The following GTF3C1 variants were observed in gnomAD, a reference collection of about 807,000 sequenced individuals.
GTF3C1 encodes the protein general transcription factor IIIC subunit 1, also known as general transcription factor 3C polypeptide 1.
Under a neutral mutation model 226.7 loss-of-function variants are expected in GTF3C1, and 57 were observed. The ratio of observed to expected loss-of-function variants is 0.25; its 90% CI spans 0.20 to 0.31. The LOEUF (loss-of-function observed/expected upper bound fraction) is 0.31, where lower values mean the gene tolerates loss of function less well. Ranked by LOEUF, GTF3C1 falls within the 10% of genes least tolerant of loss-of-function variation. The pLI is 1.00. For synonymous variants in GTF3C1, 1,090 were observed against 1,084.8 expected (o/e 1.00, Z -0.09); for missense variants, 2,217 against 2,776.1 (o/e 0.80, Z 4.53).
chr16:27,477,311 C>CTT (rs34199607), intron 28 of GTF3C1, among the ~76,000 whole-genome samples: 4 of 146,576 alleles, frequency 2.7e-5, no homozygotes, highest in Non-Finnish European at 4.5e-5. Flanking sequence ...TTTTCTCTTC[C>CTT]TTTTTTTTTT....
Position 27,464,831 on chromosome 16 carries a change from G to A in GTF3C1, c.5361C>T (p.Leu1787=), listed in dbSNP as rs2087760545. The part of the protein sequence containing the change: ...TRTFADCIQA[L]LEQHQVLEVG... ...CCTCCAGCACCTGATGCTGCTCCAG[G>A]AGGGCCTGGGGAGGCAGGAGACACG... The change falls in exon 34 of 37, where the codon CTC becomes CTT. Residue 1787 remains leucine, a synonymous_variant. Coordinates refer to ENST00000356183, the MANE Select transcript of GTF3C1 (RefSeq NM_001520.4). 3.3e-6 allele frequency: 5 copies of A among 1,508,074 alleles called. No individual in the cohort carries two copies. Among genetic ancestry groups the A allele is most frequent in the African/African-American group, 1.4e-5 (1 of 71,670 alleles). 93.4% of individuals were successfully genotyped at this position (1,508,074 alleles called of 1,614,324 possible). A position where few individuals can be genotyped will look rare whatever the true frequency, so the allele number is the denominator to read the frequency against.
At chr16:27,514,750 G>A (rs1430385353) in intron 6 of GTF3C1, among the ~76,000 whole-genome samples, 2 of 152,208 alleles carry the variant, frequency 1.3e-5, no homozygotes, top group Non-Finnish European at 1.5e-5. Context: ...GAACACTAAG[G>A]AGCCAAGGAA....
At chr16:27,495,543 C>T in intron 14 of GTF3C1, 51 bp from the exon 15 acceptor site, 1 of 1,528,878 alleles carries the variant, frequency 6.5e-7, no homozygotes, top group South Asian at 1.2e-5. Flanking sequence ...ATACTGAATT[C>T]AGTTTTAATT....
chr16:27,471,658 C>T lies in GTF3C1; in HGVS notation c.4526+90G>A. 1 of 1,079,362 alleles carries T rather than the reference C, an allele frequency of 9.3e-7. No homozygotes were observed. The highest frequency in any genetic ancestry group is 2.4e-5 in the East Asian group (1 of 42,054). The allele number at this position is 1,079,362 out of a possible 1,614,324, so 66.9% of individuals were successfully genotyped here. A position where few individuals can be genotyped will look rare whatever the true frequency, so the allele number is the denominator to read the frequency against. ...TGCGAAGGTCCCTGGCTCCTACACG[C>T]TTTCATGGCCACAGTGCTTCCTTTG... On this transcript the variant is annotated intron_variant, in intron 30 of 36. Transcript: ENST00000356183. This position sits in a 1 kb window ranked among gnomAD's most constrained non-coding sequence, Gnocchi z 5.0.
chr16:27,531,617 C>T (rs763295294), intron 5 of GTF3C1, among the ~76,000 whole-genome samples: 1 of 152,230 alleles, frequency 6.6e-6, no homozygotes, highest in Non-Finnish European at 1.5e-5. Context: ...TCAACATACA[C>T]ACTCCCTGAA....
At chr16:27,531,374 A>G (rs2088915122) in intron 5 of GTF3C1, among the ~76,000 whole-genome samples, 1 of 152,002 alleles carries the variant, frequency 6.6e-6, no homozygotes, top group South Asian at 2.1e-4. Context: ...CTCAAATGCC[A>G]CTTCCCCTCT....
In GTF3C1 at chr16:27,461,858, C is replaced by T; in HGVS notation, c.6118-296G>A. 1 of 432,642 alleles carries T rather than the reference C, an allele frequency of 2.3e-6. No individual in the cohort carries two copies. The highest frequency in any genetic ancestry group is 3.9e-5 in the South Asian group (1 of 25,452). The allele number at this position is 432,642 out of a possible 1,614,324, so 26.8% of individuals were successfully genotyped here. ...GGGATAAATCCCAGCTTCCTGTGAGCCAAGACTGGCTTCCAGGTGGGGTTT... is the reference window on the plus strand; with the variant it reads ...GGGATAAATCCCAGCTTCCTGTGAGTCAAGACTGGCTTCCAGGTGGGGTTT... On this transcript the variant is annotated intron_variant, in intron 36 of 36. Coordinates refer to ENST00000356183, the MANE Select transcript of GTF3C1 (RefSeq NM_001520.4). This position sits in a 1 kb window ranked among gnomAD's most constrained non-coding sequence, Gnocchi z 5.3.
intron 32 of GTF3C1, among the ~76,000 whole-genome samples, chr16:27,468,226 T>C (rs544426174): frequency 6.6e-6 from 1 of 152,328 alleles, no homozygotes; most frequent in South Asian, 2.1e-4. Context: ...TTCTTATAGA[T>C]GAGCAAAGAA....
In GTF3C1 at chr16:27,483,137, G is replaced by T. The variant is rs754211716; in HGVS notation, c.4002-12C>A. The T allele has an allele frequency of 8.7e-6, 14 of 1,613,394 alleles. No individual in the cohort carries two copies. Among genetic ancestry groups the T allele is most frequent in the Non-Finnish European group, 1.2e-5 (14 of 1,179,344 alleles). The stretch of plus-strand genomic sequence containing the variant: ...CGGCCAGGCACACTCTGCAGGAAGA[G>T]GAGACAAAGCTGAAGTCTGGGAATT... On this transcript the variant is annotated splice_polypyrimidine_tract_variant and intron_variant, in intron 25 of 36. Transcript: ENST00000356183.
chr16:27,465,740 C>T (rs987025254), intron 32 of GTF3C1, 200 bp from the exon 33 acceptor site: 21 of 589,970 alleles, frequency 3.6e-5, no homozygotes, highest in Non-Finnish European at 5.7e-5. Context: ...CCTCTGACTA[C>T]AGCTGACTGG....
chr16:27,494,294 G>C (rs1377605624), intron 16 of GTF3C1, among the ~76,000 whole-genome samples: 1 of 151,812 alleles, frequency 6.6e-6, no homozygotes, highest in Admixed American at 6.6e-5. Flanking sequence ...CCAGCTACTT[G>C]GGAGGCTGAG....
At chr16:27,547,553 C>T (rs188664712) in intron 1 of GTF3C1, among the ~76,000 whole-genome samples, 12 of 152,278 alleles carry the variant, frequency 7.9e-5, no homozygotes, top group Admixed American at 7.2e-4. Context: ...TTCATCCCCA[C>T]GCCCACCATG....
At chr16:27,494,739 G>T (rs1232908535) in intron 16 of GTF3C1, 24 bp downstream of exon 16, 2 of 1,592,338 alleles carry the variant, frequency 1.3e-6, no homozygotes, top group South Asian at 1.1e-5. Flanking sequence ...CAATTCCTGT[G>T]ATAATGGCTC....
rs1694569491 is a variant in GTF3C1, at chr16:27,489,497, G to A, written c.3293+105C>T. On this transcript the variant is annotated intron_variant, in intron 20 of 36. Coordinates refer to ENST00000356183, the MANE Select transcript of GTF3C1 (RefSeq NM_001520.4). ...CTGCAGCCTCTGCACCGGAGACACA[G>A]GCCGTCTGGCCTGACATCCTAAGCC... The A allele has an allele frequency of 5.9e-6, 5 of 851,904 alleles. No homozygotes were observed. In the African/African-American group the frequency reaches 6.7e-5, roughly 11 times the overall value. 52.8% of individuals were successfully genotyped at this position (851,904 alleles called of 1,614,324 possible).
At chr16:27,505,776 G>A (rs2088475269) in intron 10 of GTF3C1, 123 bp downstream of exon 10, 1 of 661,906 alleles carries the variant, frequency 1.5e-6, no homozygotes, top group East Asian at 2.6e-5. Flanking sequence ...GCACAGGCAG[G>A]CCTCGGCACG....
Position 27,461,019 on chromosome 16 carries a change from G to A in GTF3C1, c.*331C>T, listed in dbSNP as rs550931362. 7 of 227,606 alleles carry A rather than the reference G, an allele frequency of 3.1e-5. No homozygotes were observed. The highest frequency in any genetic ancestry group is 6.1e-5 in the Non-Finnish European group (7 of 114,886). The allele number at this position is 227,606 out of a possible 1,614,324, so 14.1% of individuals were successfully genotyped here. A position where few individuals can be genotyped will look rare whatever the true frequency, so the allele number is the denominator to read the frequency against. ...ACTCAAGGAGCCAGGAGATCCTGCCGAGATGGCTAGAGTCTGGAATGTGAG... is the reference window on the plus strand; with the variant it reads ...ACTCAAGGAGCCAGGAGATCCTGCCAAGATGGCTAGAGTCTGGAATGTGAG... On this transcript the variant is annotated 3_prime_UTR_variant, in exon 37 of 37. Coordinates refer to ENST00000356183, the MANE Select transcript of GTF3C1 (RefSeq NM_001520.4). This position sits in a 1 kb window ranked among gnomAD's most constrained non-coding sequence, Gnocchi z 5.3.
chr16:27,484,412 GA>G, intron 24 of GTF3C1, 59 bp from the exon 25 acceptor site: 1 of 1,248,816 alleles, frequency 8.0e-7, no homozygotes, highest in Non-Finnish European at 1.2e-6. Flanking sequence ...ACATCATGGG[GA>G]ATTACCATAA....
chr16:27,492,523 G>T lies in GTF3C1; in HGVS notation c.2974-8C>A. 6.2e-7 allele frequency: 1 copy of T among 1,608,520 alleles called. No individual in the cohort carries two copies. Among genetic ancestry groups the T allele is most frequent in the East Asian group, 2.2e-5 (1 of 44,850 alleles). ...CTTCAAGAAGATAAAGACCTAAGGG[G>T]AGACACCAGACAGGGAGAACCCACA... On this transcript the variant is annotated splice_region_variant and splice_polypyrimidine_tract_variant and intron_variant, in intron 18 of 36. Coordinates refer to ENST00000356183, the MANE Select transcript of GTF3C1 (RefSeq NM_001520.4). This position sits in a 1 kb window ranked among gnomAD's most constrained non-coding sequence, Gnocchi z 5.0.
At chr16:27,508,700 T>A in intron 7 of GTF3C1, 45 bp from the exon 8 acceptor site, 1 of 1,389,298 alleles carries the variant, frequency 7.2e-7, no homozygotes, top group Non-Finnish European at 1.0e-6. Flanking sequence ...GCAAAGGAGC[T>A]GTTCTGCACA....
Sources: gnomAD v4.1 joint callset for allele counts (sites outside exome capture counted in the v4.1 genomes callset) on GRCh38, gnomAD v4.1.1 for gene constraint, Gnocchi (gnomAD v3.1) non-coding constraint, MANE v1.5 for transcripts, NCBI Gene and HGNC (gene_info 2026-07-23, HGNC 2026-07-21) for gene names.